FKBP14: variants seen among roughly 807,000 people sequenced by gnomAD.
FKBP14 encodes the protein FKBP prolyl isomerase 14.
FKBP14 carries 20 observed loss-of-function variants against 21.6 expected under a neutral mutation model. That is an observed-to-expected ratio of 0.92 (90% CI 0.65 to 1.34). The LOEUF (loss-of-function observed/expected upper bound fraction) is 1.34, where lower values mean the gene tolerates loss of function less well. Ranked by LOEUF, FKBP14 falls within the 40% of genes most tolerant of loss-of-function variation. The pLI, the probability that FKBP14 is intolerant of heterozygous loss-of-function variation, is 0.00. For missense variants in FKBP14, 253 were observed against 249.0 expected, an observed-to-expected ratio of 1.02 and a Z score of -0.11; for synonymous variants, 79 against 86.7, an observed-to-expected ratio of 0.91 and a Z score of 0.49.
chr7:30,025,883 G>C (rs1012282936), intron 1 of FKBP14, among the ~76,000 whole-genome samples: 1 of 152,194 alleles, frequency 6.6e-6, no homozygotes, highest in South Asian at 2.1e-4. Context: ...TGATAGTGTA[G>C]TTTGCTTTTG....
In FKBP14 at chr7:30,010,667, T is replaced by G. The variant is rs1000523493; in HGVS notation, c.*4068A>C. On this transcript the variant is annotated 3_prime_UTR_variant, in exon 4 of 4. Coordinates refer to ENST00000222803, the MANE Select transcript of FKBP14 (RefSeq NM_017946.4). ...TTTAAATATGGCACACTGAGCAGTA[T>G]TGACGCAAATTATATAGTCATGTAA... 6.6e-6 allele frequency: 1 copy of G among 152,216 alleles called. No individual in the cohort carries two copies. Among genetic ancestry groups the G allele is most frequent in the Non-Finnish European group, 1.5e-5 (1 of 68,036 alleles). The allele number at this position is 152,216 out of a possible 1,614,324, so 9.4% of individuals were successfully genotyped here. A position where few individuals can be genotyped will look rare whatever the true frequency, so the allele number is the denominator to read the frequency against.
chr7:30,026,600 A>C lies in FKBP14; in HGVS notation c.-92T>G. The stretch of plus-strand genomic sequence containing the variant: ...GAACGTAGTTCAAGGCTTACGGACA[A>C]GGGCTTCAGACAAGTTCAGGACTCC... On this transcript the variant is annotated 5_prime_UTR_variant, in exon 1 of 4. Coordinates refer to ENST00000222803, the MANE Select transcript of FKBP14 (RefSeq NM_017946.4). The C allele has an allele frequency of 8.2e-7, 1 of 1,226,298 alleles. No individual in the cohort carries two copies. The allele number at this position is 1,226,298 out of a possible 1,614,324, so 76.0% of individuals were successfully genotyped here.
chr7:30,009,556 A>G (rs1789676616), downstream of FKBP14, among the ~76,000 whole-genome samples: 2 of 152,108 alleles, frequency 1.3e-5, no homozygotes, highest in Non-Finnish European at 2.9e-5. Context: ...TTTAATAAAA[A>G]GGTAAGAGAA....
chr7:30,022,614 C>T, intron 2 of FKBP14, 51 bp downstream of exon 2: 1 of 1,547,194 alleles, frequency 6.5e-7, no homozygotes, highest in Non-Finnish European at 8.7e-7. Flanking sequence ...GTCTCCTAAT[C>T]CAGAGAACAA....
chr7:30,006,572 G>A (rs1366080846), downstream of FKBP14, among the ~76,000 whole-genome samples: 2 of 152,024 alleles, frequency 1.3e-5, no homozygotes, highest in Non-Finnish European at 2.9e-5. Context: ...TAGGGAAGAT[G>A]TTCACAAAAA....
At chr7:30,015,782 C>T (rs1297412095) in intron 3 of FKBP14, among the ~76,000 whole-genome samples, 2 of 151,444 alleles carry the variant, frequency 1.3e-5, no homozygotes, top group South Asian at 2.1e-4. Context: ...CCCGCCACCA[C>T]GCCCAGCTAA....
chr7:30,018,019 A>G (rs1230930445), intron 3 of FKBP14, among the ~76,000 whole-genome samples: 1 of 49,590 alleles, frequency 2.0e-5, no homozygotes, highest in Admixed American at 2.8e-4. Context: ...ATAAATAAAT[A>G]AATAAATAAA....
intron 2 of FKBP14, 30 bp from the exon 3 acceptor site, chr7:30,019,153 T>C: frequency 6.4e-7 from 1 of 1,552,906 alleles, no homozygotes; most frequent in Non-Finnish European, 8.6e-7. Context: ...CAGAAAGTTT[T>C]AAAAGAGCCA....
chr7:30,008,643 C>T (rs1219993520), downstream of FKBP14, among the ~76,000 whole-genome samples: 1 of 145,104 alleles, frequency 6.9e-6, no homozygotes, highest in Non-Finnish European at 1.5e-5. Flanking sequence ...ATCACTTGAA[C>T]CTGGGAGGTG....
At chr7:30,022,939 G>A in intron 1 of FKBP14, 123 bp from the exon 2 acceptor site, 1 of 817,468 alleles carries the variant, frequency 1.2e-6, no homozygotes, top group Non-Finnish European at 1.9e-6. Flanking sequence ...CAGCAATTCT[G>A]TATTTGCACA....
intron 2 of FKBP14, among the ~76,000 whole-genome samples, chr7:30,021,323 ATC>A (rs1413948590): frequency 6.6e-6 from 1 of 152,138 alleles, no homozygotes; most frequent in Non-Finnish European, 1.5e-5. Context: ...ATAATACTGT[ATC>A]TCATGCATTT....
intron 2 of FKBP14, among the ~76,000 whole-genome samples, chr7:30,021,018 A>AGT (rs1323806750): frequency 1.3e-5 from 2 of 152,204 alleles, no homozygotes; most frequent in African/African-American, 4.8e-5. Context: ...CACTTTTGTC[A>AGT]GTGGTTAACC....
At chr7:30,024,357 A>G (rs923695958) in intron 1 of FKBP14, among the ~76,000 whole-genome samples, 3 of 152,192 alleles carry the variant, frequency 2.0e-5, no homozygotes. Flanking sequence ...CCCATAGGCT[A>G]TGGTTCTAGA....
At chr7:30,025,332 A>G (rs1325579930) in intron 1 of FKBP14, 1 of 152,178 alleles carries the variant, frequency 6.6e-6, no homozygotes, top group African/African-American at 2.4e-5. Flanking sequence ...TAGCACTTTG[A>G]ATATTCTGTA....
chr7:30,020,982 G>A (rs139516236), intron 2 of FKBP14, among the ~76,000 whole-genome samples: 19 of 152,300 alleles, frequency 1.2e-4, no homozygotes, highest in African/African-American at 4.3e-4. Flanking sequence ...TCCTTCTCAG[G>A]AAATGGGCTG....
chr7:30,021,709 C>T (rs1790035347), intron 2 of FKBP14, among the ~76,000 whole-genome samples: 1 of 152,116 alleles, frequency 6.6e-6, no homozygotes, highest in Admixed American at 6.6e-5. Context: ...GTGCACTCCA[C>T]TACGTTCAGC....
Position 30,010,921 on chromosome 7 carries a change from ATG to A in FKBP14, c.*3812_*3813del, listed in dbSNP as rs1324203791. The A allele has an allele frequency of 4.6e-5, 7 of 152,334 alleles. No homozygotes were observed. Among genetic ancestry groups the A allele is most frequent in the Middle Eastern group, 6.8e-3 (2 of 294 alleles). The allele number at this position is 152,334 out of a possible 1,614,324, so 9.4% of individuals were successfully genotyped here. ...GAAAATATTTTTGTACAGCTATGCA[ATG>A]TGTGTTTTAAGCTACGTTATTACTA... is the stretch of plus-strand genomic sequence containing the variant. On this transcript the variant is annotated 3_prime_UTR_variant, in exon 4 of 4. Coordinates refer to ENST00000222803, the MANE Select transcript of FKBP14 (RefSeq NM_017946.4).
intron 2 of FKBP14, 128 bp downstream of exon 2, chr7:30,022,537 C>G (rs1790060103): frequency 5.6e-6 from 5 of 892,904 alleles, no homozygotes; most frequent in Non-Finnish European, 3.3e-6. Context: ...AATACAGTTG[C>G]TAAAGGAATA....
Position 30,014,660 on chromosome 7 carries a change from A to G in FKBP14, c.*75T>C. The G allele has an allele frequency of 1.0e-6, 1 of 983,202 alleles. No individual in the cohort carries two copies. The highest frequency in any genetic ancestry group is 3.6e-4 in the Middle Eastern group (1 of 2,802). The allele number at this position is 983,202 out of a possible 1,614,324, so 60.9% of individuals were successfully genotyped here. ...AACAAAGCAAGAAAGAACATTGTAT[A>G]AAAATAAAATGTTCTTTAAAGATGA... On this transcript the variant is annotated 3_prime_UTR_variant, in exon 4 of 4. Coordinates refer to ENST00000222803, the MANE Select transcript of FKBP14 (RefSeq NM_017946.4).
Sources: gnomAD v4.1 joint callset for allele counts (sites outside exome capture counted in the v4.1 genomes callset) on GRCh38, gnomAD v4.1.1 for gene constraint, MANE v1.5 for transcripts, NCBI Gene and HGNC (gene_info 2026-07-23, HGNC 2026-07-21) for gene names.